Variants in GPR158 observed in about 807,000 individuals in gnomAD.
GPR158 encodes metabotropic glycine receptor.
A neutral mutation model predicts 78.2 loss-of-function variants in GPR158; 30 were observed. The observed-to-expected ratio is 0.38, with a 90% CI of 0.29 to 0.52. GPR158 has a LOEUF of 0.52. Among genes scored for constraint, GPR158 ranks in the 20% least tolerant of loss-of-function variants. The pLI is 0.83. For synonymous variants in GPR158, 581 were observed against 591.1 expected (o/e 0.98, Z 0.25); for missense variants, 1,463 against 1,523.5 (o/e 0.96, Z 0.66).
At chr10:25,550,145 C>T (rs543267141) in intron 5 of GPR158, among the ~76,000 whole-genome samples, 5 of 152,214 alleles carry the variant, frequency 3.3e-5, no homozygotes, top group South Asian at 4.2e-4. Flanking sequence ...TGGAATTGGC[C>T]GCTCGTTTCT....
At chr10:25,250,148 C>T (rs1282921996) in intron 2 of GPR158, among the ~76,000 whole-genome samples, 62 of 110,886 alleles carry the variant, frequency 5.6e-4, no homozygotes, top group Middle Eastern at 4.3e-3. Flanking sequence ...TCTGTGGGAT[C>T]GGTGGTGATA....
chr10:25,524,744 T>C (rs951039290), intron 5 of GPR158, among the ~76,000 whole-genome samples: 2 of 152,188 alleles, frequency 1.3e-5, no homozygotes, highest in Admixed American at 6.5e-5. Flanking sequence ...TTCTTAGATA[T>C]GACACCAAAA....
intron 4 of GPR158, among the ~76,000 whole-genome samples, chr10:25,423,533 C>T (rs1834782294): frequency 6.6e-6 from 1 of 152,006 alleles, no homozygotes; most frequent in African/African-American, 2.4e-5. Flanking sequence ...CTATCCGTCC[C>T]CCATGCCCCA....
At chr10:25,452,320 A>G (rs754753450) in intron 4 of GPR158, among the ~76,000 whole-genome samples, 7 of 152,182 alleles carry the variant, frequency 4.6e-5, no homozygotes, top group Non-Finnish European at 8.8e-5. Flanking sequence ...TGCTAGGATT[A>G]TAGGCATGAG....
At chr10:25,225,301 A>T (rs1214808359) in intron 2 of GPR158, among the ~76,000 whole-genome samples, 2 of 151,830 alleles carry the variant, frequency 1.3e-5, no homozygotes, top group African/African-American at 4.8e-5. Flanking sequence ...GTCACACAGC[A>T]TCTCATGAAG....
chr10:25,583,396 G>GTTTTA (rs750866631), intron 7 of GPR158, among the ~76,000 whole-genome samples: 38 of 152,146 alleles, frequency 2.5e-4, no homozygotes, highest in Non-Finnish European at 4.7e-4. Context: ...CATTCTCATT[G>GTTTTA]TTTTAATCAG....
intron 4 of GPR158, among the ~76,000 whole-genome samples, chr10:25,450,098 A>G (rs565757399): frequency 6.6e-6 from 1 of 152,068 alleles, no homozygotes; most frequent in Non-Finnish European, 1.5e-5. Flanking sequence ...AACCACCTTC[A>G]TTGTGTGAAA....
chr10:25,368,231 T>C (rs960700741), intron 2 of GPR158, among the ~76,000 whole-genome samples: 2 of 151,832 alleles, frequency 1.3e-5, no homozygotes, highest in African/African-American at 4.8e-5. Flanking sequence ...AAACTACTGG[T>C]ATTTTAATCC....
intron 2 of GPR158, among the ~76,000 whole-genome samples, chr10:25,253,737 A>G (rs966851559): frequency 1.3e-5 from 2 of 152,148 alleles, no homozygotes; most frequent in African/African-American, 4.8e-5. Context: ...CTGTGTTGCA[A>G]TTAATGATGT....
intron 6 of GPR158, among the ~76,000 whole-genome samples, chr10:25,560,654 A>G (rs1274958462): frequency 6.6e-6 from 1 of 152,236 alleles, no homozygotes; most frequent in Non-Finnish European, 1.5e-5. Context: ...TGAGAATTAA[A>G]TATTTGTCTT....
At chr10:25,591,410 A>G (rs1045743373) in intron 8 of GPR158, among the ~76,000 whole-genome samples, 3 of 152,204 alleles carry the variant, frequency 2.0e-5, no homozygotes, top group South Asian at 4.1e-4. Flanking sequence ...CAGCCTTACT[A>G]CTTTGCTGTA....
chr10:25,576,261 A>C (rs1469959072), intron 7 of GPR158, among the ~76,000 whole-genome samples: 1 of 152,128 alleles, frequency 6.6e-6, no homozygotes, highest in Non-Finnish European at 1.5e-5. Context: ...TTGTGTGCCC[A>C]TAGCTCACCT....
intron 2 of GPR158, among the ~76,000 whole-genome samples, chr10:25,338,482 A>ATACGTATATATAT (rs1554795005): frequency 3.8e-5 from 5 of 132,460 alleles, no homozygotes; most frequent in African/African-American, 1.5e-4. Flanking sequence ...TACGTATAAT[A>ATACGTATATATAT]TACGTATAAT....
At chr10:25,184,982 G>A (rs1588723220) in intron 1 of GPR158, among the ~76,000 whole-genome samples, 2 of 152,266 alleles carry the variant, frequency 1.3e-5, no homozygotes, top group African/African-American at 4.8e-5. Flanking sequence ...CCTTTGCTGT[G>A]GGGGCTGTCT....
chr10:25,297,777 G>A (rs890365055), intron 2 of GPR158, among the ~76,000 whole-genome samples: 3 of 152,192 alleles, frequency 2.0e-5, no homozygotes, highest in African/African-American at 7.2e-5. Context: ...ATTTCTACAT[G>A]TGTCAGTAGC....
intron 2 of GPR158, among the ~76,000 whole-genome samples, chr10:25,278,054 A>G (rs1258185410): frequency 1.3e-5 from 2 of 152,190 alleles, no homozygotes; most frequent in Non-Finnish European, 2.9e-5. Flanking sequence ...ATTCCTAGGG[A>G]CTGAGTTTAG....
intron 6 of GPR158, among the ~76,000 whole-genome samples, chr10:25,564,386 C>T (rs981201146): frequency 3.9e-5 from 6 of 152,132 alleles, no homozygotes; most frequent in African/African-American, 1.4e-4. Context: ...CATCTCATTT[C>T]CCATTCTTTC....
intron 1 of GPR158, among the ~76,000 whole-genome samples, chr10:25,199,333 C>T (rs1263880974): frequency 6.6e-6 from 1 of 152,070 alleles, no homozygotes; most frequent in African/African-American, 2.4e-5. Flanking sequence ...CTCAAGTAGC[C>T]CTGGTATCTG....
intron 2 of GPR158, among the ~76,000 whole-genome samples, chr10:25,394,633 C>T (rs1191087836): frequency 1.3e-5 from 2 of 152,020 alleles, no homozygotes; most frequent in African/African-American, 4.8e-5. Flanking sequence ...TCAATTGCAG[C>T]ATATAAATTG....
Sources: allele counts gnomAD v4.1 joint callset (sites outside exome capture counted in the v4.1 genomes callset), GRCh38; gene constraint gnomAD v4.1.1; transcripts MANE v1.5; gene names NCBI Gene and HGNC (gene_info 2026-07-23, HGNC 2026-07-21).